Variants in ZC3H3 observed in about 807,000 individuals in gnomAD.
ZC3H3 encodes zinc finger CCCH domain-containing protein 3.
A neutral mutation model predicts 77.3 loss-of-function variants in ZC3H3; 36 were observed. That is an observed-to-expected ratio of 0.47 (90% CI 0.36 to 0.61). ZC3H3 has a LOEUF of 0.61. Among genes scored for constraint, ZC3H3 ranks in the 20% least tolerant of loss-of-function variants. The pLI is 0.00. For missense variants in ZC3H3, 1,331 were observed against 1,312.2 expected, an observed-to-expected ratio of 1.01 and a Z score of -0.22; for synonymous variants, 626 against 555.2, an observed-to-expected ratio of 1.13 and a Z score of -1.79.
intron 9 of ZC3H3, among the ~76,000 whole-genome samples, chr8:143,452,731 C>T (rs907138295): frequency 1.3e-5 from 2 of 152,122 alleles, no homozygotes; most frequent in Non-Finnish European, 2.9e-5. Flanking sequence ...ATGGATGAGA[C>T]AGAGAACTGG....
intron 3 of ZC3H3, among the ~76,000 whole-genome samples, chr8:143,519,142 C>G (rs76495413): frequency 2.0e-5 from 3 of 152,164 alleles, no homozygotes; most frequent in Admixed American, 1.3e-4. Context: ...GGGGTAGCAG[C>G]GAGTGTGCTG....
At position 143,538,702 on chromosome 8, in the gene ZC3H3, C is replaced by T. The variant is rs771480641; in HGVS notation, c.665G>A (p.Ser222Asn). ...PREPRRTVSESVIAVKASFPS... is the reference protein window; with the variant it reads ...PREPRRTVSENVIAVKASFPS... ...GAAGCTCGCCTTGACGGCAATCACA[C>T]TCTCACTGACTGTCCGGCGGGGCTC... The change falls in exon 2 of 12, where the codon AGT becomes AAT. Residue 222 changes from serine to asparagine, a missense_variant. Ser to Asn is a conservative substitution (Grantham distance 46). Transcript: ENST00000262577. 5.6e-6 allele frequency: 9 copies of T among 1,608,566 alleles called. No homozygotes were observed. The East Asian group carries it at 1.6e-4, about 28-fold the overall frequency.
At chr8:143,526,052 T>A (rs1313172753) in intron 3 of ZC3H3, among the ~76,000 whole-genome samples, 1 of 152,158 alleles carries the variant, frequency 6.6e-6, no homozygotes, top group Non-Finnish European at 1.5e-5. Flanking sequence ...ACAGCCACCA[T>A]AGTTCAAGTC....
At chr8:143,479,465 C>A (rs1046879405) in intron 4 of ZC3H3, among the ~76,000 whole-genome samples, 6 of 152,218 alleles carry the variant, frequency 3.9e-5, no homozygotes, top group African/African-American at 1.4e-4. Flanking sequence ...ACGGGAGCTG[C>A]AGATCTAAAG....
chr8:143,441,195 A>C, intron 9 of ZC3H3, 75 bp from the exon 10 acceptor site: 1 of 1,333,722 alleles, frequency 7.5e-7, no homozygotes. Flanking sequence ...AAGGAGAGCC[A>C]GGCCAGGCCC....
chr8:143,510,328 C>G (rs777644303), intron 3 of ZC3H3, among the ~76,000 whole-genome samples: 8 of 152,230 alleles, frequency 5.3e-5, no homozygotes, highest in Non-Finnish European at 1.0e-4. Flanking sequence ...AGCTGGGCTC[C>G]AGCCTGCAAC....
At chr8:143,526,166 G>A (rs929765599) in intron 3 of ZC3H3, among the ~76,000 whole-genome samples, 2 of 152,260 alleles carry the variant, frequency 1.3e-5, no homozygotes, top group Admixed American at 1.3e-4. Flanking sequence ...GAACCCTGGA[G>A]AGACCCTGGC....
intron 11 of ZC3H3, 132 bp downstream of exon 11, chr8:143,439,909 C>T (rs1210888732): frequency 1.6e-4 from 88 of 551,352 alleles, no homozygotes; most frequent in East Asian, 1.0e-3. Flanking sequence ...CCTGGGGGCC[C>T]GAGCCAGGCC....
intron 5 of ZC3H3, among the ~76,000 whole-genome samples, chr8:143,472,465 C>A (rs894760176): frequency 1.3e-5 from 2 of 152,228 alleles, no homozygotes; most frequent in African/African-American, 4.8e-5. Context: ...CACAGCCTCC[C>A]AGGGAGGAGT....
chr8:143,503,717 AC>A (rs1821603315), intron 4 of ZC3H3, among the ~76,000 whole-genome samples: 3 of 73,104 alleles, frequency 4.1e-5, no homozygotes, highest in Non-Finnish European at 8.1e-5. Context: ...AGCCGGCTCC[AC>A]CACCATCCCC....
intron 4 of ZC3H3, among the ~76,000 whole-genome samples, chr8:143,497,659 C>G (rs1156630851): frequency 2.0e-5 from 3 of 152,208 alleles, no homozygotes; most frequent in Non-Finnish European, 4.4e-5. Context: ...CCTGGGCAGC[C>G]AGGGGCCAGG....
chr8:143,452,571 A>G (rs1296304832), intron 9 of ZC3H3, among the ~76,000 whole-genome samples: 1 of 152,258 alleles, frequency 6.6e-6, no homozygotes, highest in East Asian at 1.9e-4. Context: ...TCACAAAGAC[A>G]CTTCTACATG....
chr8:143,476,594 T>C (rs376014195), intron 4 of ZC3H3, among the ~76,000 whole-genome samples: 14 of 152,034 alleles, frequency 9.2e-5, no homozygotes, highest in African/African-American at 3.4e-4. Flanking sequence ...GCCTGGCAAA[T>C]TGAGCTTGAT....
intron 3 of ZC3H3, among the ~76,000 whole-genome samples, chr8:143,513,702 T>C (rs1463829202): frequency 6.6e-6 from 1 of 152,150 alleles, no homozygotes; most frequent in African/African-American, 2.4e-5. Flanking sequence ...CAGAACTGTC[T>C]CTCGTTGAAG....
In ZC3H3 at chr8:143,440,113, G is replaced by A. The variant is rs767697965; in HGVS notation, c.2743C>T (p.Leu915=). The change falls in exon 11 of 12, where the codon CTG becomes TTG. Residue 915 remains leucine, a synonymous_variant. Coordinates refer to ENST00000262577, the MANE Select transcript of ZC3H3 (RefSeq NM_015117.3). ...GCTCCTGGGCTCGGCGAGGACTGCAGGGAGATGAAGGAAGGCAGCTTGCAG... is the reference window on the plus strand; with the variant it reads ...GCTCCTGGGCTCGGCGAGGACTGCAAGGAGATGAAGGAAGGCAGCTTGCAG... ...RLCKLPSFIS[L]QSSPSPGAQP... 18 of 1,610,182 alleles carry A rather than the reference G, an allele frequency of 1.1e-5. No individual in the cohort carries two copies. The highest frequency in any genetic ancestry group is 1.8e-4 in the Middle Eastern group (1 of 5,618).
chr8:143,479,802 G>C (rs907177868), intron 4 of ZC3H3, among the ~76,000 whole-genome samples: 4 of 152,222 alleles, frequency 2.6e-5, no homozygotes, highest in African/African-American at 9.7e-5. Flanking sequence ...CCTCCCTGGG[G>C]GGGGACAAAG....
intron 3 of ZC3H3, among the ~76,000 whole-genome samples, chr8:143,509,804 T>G (rs1268464442): frequency 2.0e-5 from 3 of 152,046 alleles, no homozygotes; most frequent in African/African-American, 7.2e-5. Context: ...TCAACCTCTT[T>G]CCCCAAATTC....
intron 5 of ZC3H3, among the ~76,000 whole-genome samples, chr8:143,471,928 G>T (rs996047007): frequency 2.0e-5 from 3 of 152,240 alleles, no homozygotes; most frequent in Admixed American, 1.3e-4. Context: ...GCCGGTGGTG[G>T]CCCAGGCAGC....
intron 4 of ZC3H3, among the ~76,000 whole-genome samples, chr8:143,483,629 G>A (rs1359645762): frequency 6.6e-6 from 1 of 152,182 alleles, no homozygotes; most frequent in Admixed American, 6.5e-5. Flanking sequence ...CGATCTCAGG[G>A]GCAGGGCTAA....
Sources: gnomAD v4.1 joint callset for allele counts (sites outside exome capture counted in the v4.1 genomes callset) on GRCh38, gnomAD v4.1.1 for gene constraint, MANE v1.5 for transcripts, NCBI Gene and HGNC (gene_info 2026-07-23, HGNC 2026-07-21) for gene names.